SLC6A4: variants seen among roughly 807,000 people sequenced by gnomAD.
SLC6A4 encodes sodium-dependent serotonin transporter.
Under a neutral mutation model 73.4 loss-of-function variants are expected in SLC6A4, and 22 were observed. The ratio of observed to expected loss-of-function variants is 0.30; its 90% CI spans 0.21 to 0.43. The LOEUF (loss-of-function observed/expected upper bound fraction) is 0.43, where lower values mean the gene tolerates loss of function less well. SLC6A4 is among the 20% of genes least tolerant of loss of function. The probability of loss-of-function intolerance (pLI) is 1.00; values close to 1 mark genes in which losing one functional copy is unlikely to be tolerated. For missense variants in SLC6A4, 593 were observed against 808.5 expected (o/e 0.73, Z 3.23); for synonymous variants, 270 against 315.5 (o/e 0.86, Z 1.53).
At chr17:30,215,820 A>C in intron 7 of SLC6A4, 106 bp from the exon 8 acceptor site, 2 of 973,014 alleles carry the variant, frequency 2.1e-6, no homozygotes, top group Non-Finnish European at 1.6e-6. Flanking sequence ...GTGCAGAGGC[A>C]GAAAAACAGC....
Position 30,217,156 on chromosome 17 carries a change from C to T in SLC6A4, c.837+10G>A. 6.2e-7 allele frequency: 1 copy of T among 1,612,034 alleles called. No individual in the cohort carries two copies. Among genetic ancestry groups the T allele is most frequent in the Admixed American group, 1.7e-5 (1 of 59,790 alleles). The stretch of plus-strand genomic sequence containing the variant: ...GGCAGGCCTGGGTCAGCAGCCAGAG[C>T]CTTCCTCACCTTGCCAGAGGTCTTG... On this transcript the variant is annotated intron_variant, in intron 6 of 14. Coordinates refer to ENST00000650711, the MANE Select transcript of SLC6A4 (RefSeq NM_001045.6).
intron 5 of SLC6A4, 76 bp from the exon 6 acceptor site, chr17:30,217,380 G>A: frequency 6.9e-7 from 1 of 1,448,118 alleles, no homozygotes; most frequent in Non-Finnish European, 9.4e-7. Context: ...CTGCTCCTTT[G>A]AGGGTGCCCG....
intron 1 of SLC6A4, among the ~76,000 whole-genome samples, 195 bp from the exon 2 acceptor site, chr17:30,223,110 G>A (rs1441641779): frequency 2.6e-5 from 4 of 152,176 alleles, no homozygotes; most frequent in Non-Finnish European, 5.9e-5. Context: ...AGCCCTTTTG[G>A]ACTTTAAACC....
rs866480095 is a variant in SLC6A4, at chr17:30,214,638, T to C, written c.1076+973A>G. On this transcript the variant is annotated intron_variant, in intron 8 of 14. Coordinates refer to ENST00000650711, the MANE Select transcript of SLC6A4 (RefSeq NM_001045.6). ...GCAATTTCTCTTTCTTTCTTTCTTT[T>C]TTTTTTTTTTTTTTGATGGAATCTC... is the stretch of plus-strand genomic sequence containing the variant. 1.1e-3 allele frequency among the ~76,000 whole-genome samples: 152 copies of C among 140,120 alleles called. 1 individual carries two copies. Among genetic ancestry groups the C allele is most frequent in the Middle Eastern group, 3.9e-3 (1 of 254 alleles). 91.9% of individuals were successfully genotyped at this position (140,120 alleles called of 152,430 possible).
At chr17:30,217,366 T>A in intron 5 of SLC6A4, 62 bp from the exon 6 acceptor site, 1 of 1,524,682 alleles carries the variant, frequency 6.6e-7, no homozygotes, top group Non-Finnish European at 8.9e-7. Flanking sequence ...GGCACACATC[T>A]GTGCTGCTCC....
At chr17:30,217,142 G>A (rs1417971765) in intron 6 of SLC6A4, 24 bp downstream of exon 6, 8 of 1,609,400 alleles carry the variant, frequency 5.0e-6, no homozygotes, top group Non-Finnish European at 6.8e-6. Context: ...GCAGGCCTGG[G>A]TCAGCAGCCA....
chr17:30,215,810 G>A, intron 7 of SLC6A4, 96 bp from the exon 8 acceptor site: 1 of 1,074,714 alleles, frequency 9.3e-7, no homozygotes, highest in East Asian at 2.4e-5. Flanking sequence ...ATGTGGCTAA[G>A]TGCAGAGGCA....
intron 13 of SLC6A4, among the ~76,000 whole-genome samples, chr17:30,207,375 G>A (rs1378541252): frequency 6.6e-6 from 1 of 152,098 alleles, no homozygotes; most frequent in Non-Finnish European, 1.5e-5. Context: ...TTCTGTATAT[G>A]TTATTCTTCA....
rs1398631891 is a variant in SLC6A4 at position 30,200,422 on chromosome 17, G to A, written c.1819-1892C>T. Among the ~76,000 whole-genome samples, 4 of 152,182 alleles carry A rather than the reference G, an allele frequency of 2.6e-5. No homozygotes were observed. In the South Asian group the frequency reaches 6.2e-4, roughly 24 times the overall value. On this transcript the variant is annotated intron_variant, in intron 14 of 14. Coordinates refer to ENST00000650711, the MANE Select transcript of SLC6A4 (RefSeq NM_001045.6). ...TTAGGGACCATTTTCCAGTATCTTTGGGTGGATTATTAGTAGTTTCTGCAA... is the reference window on the plus strand; with the variant it reads ...TTAGGGACCATTTTCCAGTATCTTTAGGTGGATTATTAGTAGTTTCTGCAA...
chr17:30,222,674 C>A, intron 2 of SLC6A4, 145 bp downstream of exon 2: 1 of 620,936 alleles, frequency 1.6e-6, no homozygotes, highest in Non-Finnish European at 2.7e-6. Context: ...GCTACAGATT[C>A]TGTCACTCGT....
At chr17:30,215,841 C>T (rs961453316) in intron 7 of SLC6A4, 127 bp from the exon 8 acceptor site, 1 of 822,590 alleles carries the variant, frequency 1.2e-6, no homozygotes, top group Non-Finnish European at 2.0e-6. Flanking sequence ...TTTTAAGGCT[C>T]ATTCCAGGCA....
chr17:30,206,160 A>G (rs544798723), intron 13 of SLC6A4: 9 of 151,862 alleles, frequency 5.9e-5, no homozygotes, highest in Admixed American at 4.6e-4. Flanking sequence ...GTCCTAAAAC[A>G]AAATGGGATA....
At chr17:30,215,334 T>C (rs1310126688) in intron 8 of SLC6A4, among the ~76,000 whole-genome samples, 2 of 152,350 alleles carry the variant, frequency 1.3e-5, no homozygotes, top group East Asian at 1.9e-4. Context: ...TGAGCCACCA[T>C]GTCCAGCCTC....
chr17:30,210,469 C>T (rs1253714797), intron 11 of SLC6A4, 46 bp downstream of exon 11: 1 of 1,584,992 alleles, frequency 6.3e-7, no homozygotes, highest in South Asian at 1.2e-5. Context: ...TAGCGTTCTG[C>T]TGCCCTAGGG....
intron 7 of SLC6A4, 32 bp downstream of exon 7, chr17:30,216,050 G>C (rs1280777675): frequency 6.2e-7 from 1 of 1,600,280 alleles, no homozygotes; most frequent in East Asian, 2.2e-5. Context: ...TAAAATGACA[G>C]ACAGGTACAC....
chr17:30,225,870 C>T (rs1322909711), intron 1 of SLC6A4, among the ~76,000 whole-genome samples: 1 of 152,162 alleles, frequency 6.6e-6, no homozygotes, highest in Non-Finnish European at 1.5e-5. Context: ...TCCCTGACTC[C>T]AAGTAAAAAA....
rs183958956 is a variant in SLC6A4 at position 30,196,274 on chromosome 17, A to C, written c.*2182T>G. The C allele has an allele frequency of 4.0e-5, 6 of 151,612 alleles. No homozygotes were observed. Among genetic ancestry groups the C allele is most frequent in the African/African-American group, 1.4e-4 (6 of 41,402 alleles). The allele number at this position is 151,612 out of a possible 1,614,324, so 9.4% of individuals were successfully genotyped here. ...TTTAAAATCCACCTACCTACTCTTA[A>C]ATTTTCTTTAAAAAAAAAAAACCCC... On this transcript the variant is annotated 3_prime_UTR_variant, in exon 15 of 15. Coordinates refer to ENST00000650711, the MANE Select transcript of SLC6A4 (RefSeq NM_001045.6).
At position 30,208,858 on chromosome 17, in the gene SLC6A4, A is replaced by ATT. The variant is rs35246799; in HGVS notation, c.1549+283_1549+284dup. 6.8e-3 allele frequency among the ~76,000 whole-genome samples: 974 copies of ATT among 144,024 alleles called. 8 individuals carry two copies. The highest frequency in any genetic ancestry group is 0.02 in the African/African-American group (797 of 39,046). The allele number at this position is 144,024 out of a possible 152,430, so 94.5% of individuals were successfully genotyped here. A position where few individuals can be genotyped will look rare whatever the true frequency, so the allele number is the denominator to read the frequency against. Reference sequence around the variant, plus strand: ...AGGCTTGCGCCATCATGCCCGGCTAATTTTTTTTTTTTTTTGTATTTTTAG... The same window carrying ATT: ...AGGCTTGCGCCATCATGCCCGGCTAATTTTTTTTTTTTTTTTTGTATTTTTAG... On this transcript the variant is annotated intron_variant, in intron 12 of 14. Coordinates refer to ENST00000650711, the MANE Select transcript of SLC6A4 (RefSeq NM_001045.6).
chr17:30,215,736 G>A lies in SLC6A4; in HGVS notation c.973-22C>T, dbSNP rs778627070. The stretch of plus-strand genomic sequence containing the variant: ...ACACCTGGAACACAGCAGGGGTAAG[G>A]GCATGGGGTGAGGGGGAGACACAGG... On this transcript the variant is annotated intron_variant, in intron 7 of 14. Transcript: ENST00000650711. 3.7e-6 allele frequency: 6 copies of A among 1,601,596 alleles called. No homozygotes were observed. In the East Asian group the frequency reaches 1.3e-4, roughly 36 times the overall value.
Sources: allele counts gnomAD v4.1 joint callset (sites outside exome capture counted in the v4.1 genomes callset), GRCh38; gene constraint gnomAD v4.1.1; transcripts MANE v1.5; gene names NCBI Gene and HGNC (gene_info 2026-07-23, HGNC 2026-07-21).